The following CFAP299 variants were observed in gnomAD, a reference collection of about 807,000 sequenced individuals.
CFAP299 encodes the protein cilia- and flagella-associated protein 299.
Under a neutral mutation model 27.0 loss-of-function variants are expected in CFAP299, and 21 were observed. That is an observed-to-expected ratio of 0.78 (90% CI 0.55 to 1.12). The LOEUF is 1.12. Among genes scored for constraint, CFAP299 ranks in the 50% most tolerant of loss-of-function variants. The pLI is 0.00. For missense variants in CFAP299, 310 were observed against 276.6 expected (o/e 1.12, Z -0.86); for synonymous variants, 104 against 98.1 (o/e 1.06, Z -0.36).
intron 3 of CFAP299, among the ~76,000 whole-genome samples, chr4:80,827,040 A>G (rs1487359560): frequency 6.6e-6 from 1 of 151,838 alleles, no homozygotes; most frequent in East Asian, 1.9e-4. Context: ...ACCAAAATTT[A>G]TGTGATACAG....
chr4:80,731,422 C>T (rs1723515149), intron 3 of CFAP299, among the ~76,000 whole-genome samples: 1 of 152,160 alleles, frequency 6.6e-6, no homozygotes, highest in South Asian at 2.1e-4. Flanking sequence ...CGGAAATGCC[C>T]AATAATGGCT....
chr4:80,479,400 A>G (rs1383046364), intron 2 of CFAP299, among the ~76,000 whole-genome samples: 3 of 152,046 alleles, frequency 2.0e-5, no homozygotes, highest in Non-Finnish European at 4.4e-5. Context: ...CTTTTATGGC[A>G]TATAAGGATT....
chr4:80,690,425 A>G (rs867977066), intron 3 of CFAP299, among the ~76,000 whole-genome samples: 12 of 152,326 alleles, frequency 7.9e-5, no homozygotes, highest in Middle Eastern at 6.8e-3. Flanking sequence ...AAACTGAACA[A>G]CCTGCTCCTG....
chr4:80,568,229 AT>A (rs34309642), intron 2 of CFAP299, among the ~76,000 whole-genome samples: 1 of 151,942 alleles, frequency 6.6e-6, no homozygotes, highest in Non-Finnish European at 1.5e-5. Context: ...ATTGGTCTAC[AT>A]TTTTTATAAT....
intron 2 of CFAP299, among the ~76,000 whole-genome samples, chr4:80,382,468 A>G (rs1724751991): frequency 1.3e-5 from 2 of 152,206 alleles, no homozygotes; most frequent in Admixed American, 6.5e-5. Context: ...CCCAGTATCT[A>G]TAAGGAACTT....
intron 2 of CFAP299, among the ~76,000 whole-genome samples, chr4:80,524,349 C>T (rs928015265): frequency 5.3e-5 from 8 of 151,978 alleles, no homozygotes; most frequent in Admixed American, 3.9e-4. Flanking sequence ...GTTTCTCAGC[C>T]TCAGCACTAT....
At chr4:80,574,828 A>G (rs774265661) in intron 2 of CFAP299, among the ~76,000 whole-genome samples, 1 of 152,078 alleles carries the variant, frequency 6.6e-6, no homozygotes, top group Non-Finnish European at 1.5e-5. Context: ...CATGATACAT[A>G]ATCTTTTTCA....
At chr4:80,472,449 C>A (rs142796812) in intron 2 of CFAP299, among the ~76,000 whole-genome samples, 2 of 152,152 alleles carry the variant, frequency 1.3e-5, no homozygotes, top group African/African-American at 4.8e-5. Flanking sequence ...CAGAACCCAA[C>A]GGATGAAAGA....
chr4:80,699,608 G>A (rs1396241332), intron 3 of CFAP299, among the ~76,000 whole-genome samples: 1 of 152,106 alleles, frequency 6.6e-6, no homozygotes, highest in Non-Finnish European at 1.5e-5. Flanking sequence ...TGAAGAGATG[G>A]TCAATGTGTT....
intron 3 of CFAP299, among the ~76,000 whole-genome samples, chr4:80,700,287 T>C (rs1043152437): frequency 6.6e-6 from 1 of 152,182 alleles, no homozygotes; most frequent in Non-Finnish European, 1.5e-5. Flanking sequence ...ATAGGACTTT[T>C]GTGAACATTG....
chr4:80,345,180 G>A (rs1560522473), intron 1 of CFAP299, among the ~76,000 whole-genome samples: 1 of 150,242 alleles, frequency 6.7e-6, no homozygotes, highest in African/African-American at 2.4e-5. Context: ...TTTTCAAATA[G>A]TGAGAGAGGA....
intron 2 of CFAP299, among the ~76,000 whole-genome samples, chr4:80,574,305 A>G: frequency 6.6e-6 from 1 of 152,098 alleles, no homozygotes; most frequent in East Asian, 1.9e-4. Flanking sequence ...TTAATTTTGT[A>G]TTCTGCAACA....
intron 4 of CFAP299, among the ~76,000 whole-genome samples, chr4:80,920,765 ATG>A (rs1560477418): frequency 2.0e-5 from 3 of 152,102 alleles, no homozygotes. Context: ...TCTGGGGTGC[ATG>A]TGGAGTATTT....
intron 3 of CFAP299, among the ~76,000 whole-genome samples, chr4:80,691,991 T>C (rs1214491701): frequency 6.6e-6 from 1 of 152,066 alleles, no homozygotes; most frequent in Non-Finnish European, 1.5e-5. Context: ...TTACAAGGGA[T>C]GTGAAGGACC....
intron 2 of CFAP299, among the ~76,000 whole-genome samples, chr4:80,481,975 G>A (rs1730590757): frequency 6.6e-6 from 1 of 151,444 alleles, no homozygotes; most frequent in East Asian, 1.9e-4. Context: ...TTGTATTTTT[G>A]TATATATAGA....
At chr4:80,357,816 T>C (rs1164197721) in intron 1 of CFAP299, among the ~76,000 whole-genome samples, 1 of 152,136 alleles carries the variant, frequency 6.6e-6, no homozygotes, top group Non-Finnish European at 1.5e-5. Context: ...GAATTTTTTT[T>C]GTGTGTCTCA....
intron 2 of CFAP299, among the ~76,000 whole-genome samples, chr4:80,493,827 C>T (rs566628283): frequency 7.1e-5 from 9 of 127,166 alleles, no homozygotes; most frequent in Non-Finnish European, 1.2e-4. Context: ...AGACTGCGGA[C>T]TGCAGTGGCG....
chr4:80,613,924 C>G (rs971728), intron 3 of CFAP299, among the ~76,000 whole-genome samples: 142,394 of 152,140 alleles, frequency 0.94, 66,699 homozygotes, highest in East Asian at 1. Flanking sequence ...GATAACTCTT[C>G]GCTATTCCTT....
intron 2 of CFAP299, among the ~76,000 whole-genome samples, chr4:80,468,073 A>G (rs117588943): frequency 8.0e-4 from 122 of 152,370 alleles, no homozygotes; most frequent in African/African-American, 2.7e-3. Context: ...CTATCAGTGG[A>G]TGAAAGTAAA....
Sources: allele counts gnomAD v4.1 joint callset (sites outside exome capture counted in the v4.1 genomes callset), GRCh38; gene constraint gnomAD v4.1.1; transcripts MANE v1.5; gene names NCBI Gene and HGNC (gene_info 2026-07-23, HGNC 2026-07-21).